ZNF385D: variants seen among roughly 807,000 people sequenced by gnomAD.
The protein encoded by ZNF385D is zinc finger protein 659.
A neutral mutation model predicts 35.8 loss-of-function variants in ZNF385D; 15 were observed. That is an observed-to-expected ratio of 0.42 (90% confidence interval 0.28 to 0.64). The LOEUF is 0.64. Ranked by LOEUF, ZNF385D falls within the 30% of genes least tolerant of loss-of-function variation. The probability of loss-of-function intolerance (pLI) is 0.23; values close to 1 mark genes in which losing one functional copy is unlikely to be tolerated. For missense variants in ZNF385D, 474 were observed against 494.6 expected, an observed-to-expected ratio of 0.96 and a Z score of 0.39; for synonymous variants, 212 against 186.8, an observed-to-expected ratio of 1.13 and a Z score of -1.10.
intron 3 of ZNF385D, among the ~76,000 whole-genome samples, chr3:21,549,878 C>T (rs185712928): frequency 3.9e-5 from 6 of 152,236 alleles, no homozygotes; most frequent in South Asian, 2.1e-4. Context: ...TGGGATGCAG[C>T]GGCAACAACA....
intron 1 of ZNF385D, among the ~76,000 whole-genome samples, chr3:21,666,953 T>G (rs1203696127): frequency 6.6e-6 from 1 of 152,046 alleles, no homozygotes; most frequent in East Asian, 1.9e-4. Context: ...GGTGCACACC[T>G]GTAATCCCAG....
intron 1 of ZNF385D, among the ~76,000 whole-genome samples, chr3:21,745,379 G>A (rs965001388): frequency 6.6e-6 from 1 of 152,212 alleles, no homozygotes. Flanking sequence ...GGAATCAAGA[G>A]GGTTTCATGA....
intron 2 of ZNF385D, among the ~76,000 whole-genome samples, chr3:22,248,189 A>G (rs547058164): frequency 6.6e-6 from 1 of 152,256 alleles, no homozygotes; most frequent in African/African-American, 2.4e-5. Flanking sequence ...TCTGTCAACC[A>G]TTCACTTTGC....
At chr3:22,249,365 T>G (rs1026943874) in intron 2 of ZNF385D, among the ~76,000 whole-genome samples, 1 of 152,170 alleles carries the variant, frequency 6.6e-6, no homozygotes, top group Non-Finnish European at 1.5e-5. Context: ...AAAATATTTT[T>G]GTTACACGGT....
intron 2 of ZNF385D, among the ~76,000 whole-genome samples, chr3:22,295,035 A>G (rs1702495701): frequency 6.6e-6 from 1 of 152,106 alleles, no homozygotes. Context: ...TTGGCTTTAA[A>G]ATGTTTGTTT....
At chr3:21,476,718 C>T (rs1030894720) in intron 4 of ZNF385D, among the ~76,000 whole-genome samples, 15 of 152,118 alleles carry the variant, frequency 9.9e-5, no homozygotes, top group Admixed American at 7.2e-4. Flanking sequence ...GAACCTTTCT[C>T]TTCTATTGAA....
intron 2 of ZNF385D, among the ~76,000 whole-genome samples, chr3:22,359,069 A>C (rs190920037): frequency 2.1e-4 from 29 of 140,080 alleles, no homozygotes; most frequent in African/African-American, 6.3e-4. Flanking sequence ...AACAAACAAA[A>C]AAACCAAAAA....
intron 2 of ZNF385D, among the ~76,000 whole-genome samples, chr3:22,322,009 A>G (rs1269327179): frequency 6.6e-6 from 1 of 152,156 alleles, no homozygotes; most frequent in East Asian, 1.9e-4. Context: ...GTTCTTTAGA[A>G]AATTCCCTGC....
At chr3:21,442,884 TAA>T (rs1363794575) in intron 4 of ZNF385D, among the ~76,000 whole-genome samples, 6 of 95,738 alleles carry the variant, frequency 6.3e-5, no homozygotes, top group African/African-American at 1.6e-4. Flanking sequence ...TATCTGTGTA[TAA>T]GTGTGTGTGT....
At chr3:21,628,785 T>A (rs2125829858) in intron 2 of ZNF385D, among the ~76,000 whole-genome samples, 1 of 152,144 alleles carries the variant, frequency 6.6e-6, no homozygotes, top group Admixed American at 6.6e-5. Context: ...TAAACAAAAG[T>A]GGGAATAGAA....
intron 3 of ZNF385D, among the ~76,000 whole-genome samples, chr3:22,062,654 A>T (rs184424963): frequency 7.9e-4 from 121 of 152,230 alleles, no homozygotes; most frequent in African/African-American, 2.9e-3. Context: ...TCTTCCTTCC[A>T]CGTAAGTGTG....
At chr3:21,649,044 G>A (rs1422022719) in intron 2 of ZNF385D, among the ~76,000 whole-genome samples, 2 of 151,968 alleles carry the variant, frequency 1.3e-5, no homozygotes, top group Admixed American at 1.3e-4. Context: ...AAAACCCATG[G>A]TCTTAAGCAC....
chr3:21,452,858 C>T (rs1462000093), intron 4 of ZNF385D, among the ~76,000 whole-genome samples: 1 of 151,400 alleles, frequency 6.6e-6, no homozygotes, highest in East Asian at 1.9e-4. Context: ...CTAAGCTGAC[C>T]TAAAATGTAT....
At chr3:21,892,022 TTTTAA>T (rs1462482237) in intron 3 of ZNF385D, among the ~76,000 whole-genome samples, 2 of 152,206 alleles carry the variant, frequency 1.3e-5, no homozygotes, top group African/African-American at 2.4e-5. Context: ...AAAATATCCA[TTTTAA>T]TTTAACTGTA....
At chr3:21,484,292 T>C (rs1444504591) in intron 4 of ZNF385D, among the ~76,000 whole-genome samples, 4 of 152,090 alleles carry the variant, frequency 2.6e-5, no homozygotes, top group Non-Finnish European at 5.9e-5. Context: ...GTAGAAGTGG[T>C]TCATAGGAAA....
At chr3:22,104,962 G>A (rs1403778548) in intron 3 of ZNF385D, among the ~76,000 whole-genome samples, 1 of 152,096 alleles carries the variant, frequency 6.6e-6, no homozygotes, top group Non-Finnish European at 1.5e-5. Context: ...TTGCCACAAC[G>A]TCTTTACATT....
chr3:21,592,019 A>C (rs1269957972), intron 2 of ZNF385D, among the ~76,000 whole-genome samples: 3 of 152,176 alleles, frequency 2.0e-5, no homozygotes, highest in Admixed American at 6.6e-5. Flanking sequence ...TAGCAGTGAG[A>C]TATGTTAGTT....
At chr3:21,473,853 C>T (rs376378445) in intron 4 of ZNF385D, among the ~76,000 whole-genome samples, 113 of 152,136 alleles carry the variant, frequency 7.4e-4, no homozygotes, top group South Asian at 1.7e-3. Context: ...TAGACGCTCA[C>T]CCATTTTCTT....
chr3:21,572,993 AAC>A (rs1439328228), intron 2 of ZNF385D, among the ~76,000 whole-genome samples: 6 of 152,132 alleles, frequency 3.9e-5, no homozygotes, highest in Non-Finnish European at 5.9e-5. Context: ...TTTAAGCACA[AAC>A]ACATGAACTT....
Sources: gnomAD v4.1 joint callset for allele counts (sites outside exome capture counted in the v4.1 genomes callset) on GRCh38, gnomAD v4.1.1 for gene constraint, MANE v1.5 for transcripts, NCBI Gene and HGNC (gene_info 2026-07-23, HGNC 2026-07-21) for gene names.